COQ8A: variants seen among roughly 807,000 people sequenced by gnomAD.
The protein encoded by COQ8A is coenzyme Q8A, also known as atypical kinase COQ8A, mitochondrial.
In COQ8A, 51 loss-of-function variants were observed where a neutral mutation model predicts 65.0. The observed-to-expected ratio is 0.78, with a 90% CI of 0.63 to 0.99. The LOEUF (loss-of-function observed/expected upper bound fraction) is 0.99. Ranked by LOEUF, COQ8A falls within the 50% of genes least tolerant of loss-of-function variation. The pLI, the probability that COQ8A is intolerant of heterozygous loss-of-function variation, is 0.00. For missense variants in COQ8A, 940 were observed against 875.0 expected, an observed-to-expected ratio of 1.07 and a Z score of -0.94; for synonymous variants, 371 against 353.2, an observed-to-expected ratio of 1.05 and a Z score of -0.57.
intron 4 of COQ8A, 141 bp downstream of exon 4, chr1:226,965,878 T>C (rs1443795091): frequency 3.5e-6 from 3 of 850,596 alleles, no homozygotes; most frequent in Non-Finnish European, 5.7e-6. Flanking sequence ...CTGCATGAGC[T>C]TTTGGGGAGC....
intron 1 of COQ8A, among the ~76,000 whole-genome samples, chr1:226,942,009 T>C (rs1456533363): frequency 6.6e-6 from 1 of 152,156 alleles, no homozygotes; most frequent in East Asian, 1.9e-4. Context: ...GTGGGAGACC[T>C]GGCCTATACA....
intron 5 of COQ8A, among the ~76,000 whole-genome samples, chr1:226,979,932 A>C (rs562636659): frequency 6.6e-6 from 1 of 152,186 alleles, no homozygotes; most frequent in African/African-American, 2.4e-5. Context: ...GCTGTTCTCC[A>C]GACTACCTCA....
chr1:226,969,330 G>A (rs969147156), intron 4 of COQ8A, among the ~76,000 whole-genome samples: 4 of 151,948 alleles, frequency 2.6e-5, no homozygotes, highest in African/African-American at 9.7e-5. Flanking sequence ...ACAGAGTCTT[G>A]CTCTGTCGCC....
rs558461920 is a variant in COQ8A at position 226,977,629 on chromosome 1, C to T, written c.730+106C>T. 39 of 1,262,416 alleles carry T rather than the reference C, an allele frequency of 3.1e-5. No homozygotes were observed. In the East Asian group the frequency reaches 8.5e-4, roughly 27 times the overall value. 78.2% of individuals were successfully genotyped at this position (1,262,416 alleles called of 1,614,324 possible). A position where few individuals can be genotyped will look rare whatever the true frequency, so the allele number is the denominator to read the frequency against. On this transcript the variant is annotated intron_variant, in intron 5 of 14. Transcript: ENST00000366777. ...CTGGGAGTGTCAGCCAGCTGGGCCGCATTTGCATGGGGTTCCACGTAAGTG... is the reference window on the plus strand; with the variant it reads ...CTGGGAGTGTCAGCCAGCTGGGCCGTATTTGCATGGGGTTCCACGTAAGTG...
chr1:226,951,701 C>G (rs774749735), intron 1 of COQ8A, among the ~76,000 whole-genome samples: 2 of 151,696 alleles, frequency 1.3e-5, no homozygotes, highest in Non-Finnish European at 2.9e-5. Context: ...TATGAGTCGA[C>G]AAATAGTAAA....
At position 226,985,907 on chromosome 1, in the gene COQ8A, C is replaced by T. The variant is rs538836937; in HGVS notation, c.1660-546C>T. Among the ~76,000 whole-genome samples, 110 of 152,174 alleles carry T rather than the reference C, an allele frequency of 7.2e-4. 7 individuals carry two copies. The highest frequency in any genetic ancestry group is 6.5e-5 in the Admixed American group (1 of 15,288). On this transcript the variant is annotated intron_variant, in intron 14 of 14. Coordinates refer to ENST00000366777, the MANE Select transcript of COQ8A (RefSeq NM_020247.5). ...ATCTCAGCTGTAAGCGCTCAGCGGG[C>T]AGCAGCTCTCTCCCGCCTCTTCCTT...
At chr1:226,978,094 A>G (rs1033075999) in intron 5 of COQ8A, among the ~76,000 whole-genome samples, 3 of 143,916 alleles carry the variant, frequency 2.1e-5, no homozygotes, top group African/African-American at 7.9e-5. Context: ...CACCCACCGA[A>G]CACCCGCACA....
intron 1 of COQ8A, among the ~76,000 whole-genome samples, chr1:226,960,388 GTCA>G (rs375392983): frequency 0.28 from 281 of 996 alleles, 32 homozygotes; most frequent in Middle Eastern, 0.5. Flanking sequence ...ACTTGGTGGT[GTCA>G]GTGGTGGTAC....
chr1:226,981,988 C>T, intron 5 of COQ8A, 39 bp from the exon 6 acceptor site: 1 of 1,612,800 alleles, frequency 6.2e-7, no homozygotes, highest in South Asian at 1.1e-5. Flanking sequence ...CTCCCAGACC[C>T]CCCCGAGTGC....
intron 4 of COQ8A, among the ~76,000 whole-genome samples, chr1:226,975,780 T>G (rs1659159032): frequency 6.6e-6 from 1 of 152,214 alleles, no homozygotes; most frequent in South Asian, 2.1e-4. Flanking sequence ...CTGCCCAGAC[T>G]GCTGGGGACG....
intron 1 of COQ8A, among the ~76,000 whole-genome samples, chr1:226,957,446 C>T (rs1372894537): frequency 6.6e-6 from 1 of 152,204 alleles, no homozygotes. Flanking sequence ...AGACACCATG[C>T]TTTGCTGGGG....
In COQ8A at chr1:226,986,583, A is replaced by AC; in HGVS notation, c.1792dup (p.Arg598ProfsTer132). The AC allele has an allele frequency of 6.2e-7, 1 of 1,613,480 alleles. No homozygotes were observed. Among genetic ancestry groups the AC allele is most frequent in the Non-Finnish European group, 8.5e-7 (1 of 1,179,914 alleles). On this transcript the variant is annotated frameshift_variant, in exon 15 of 15. Transcript: ENST00000366777. LOFTEE classifies it high-confidence loss of function. ...AACCTGATTCCCGTCATGCTGAGGC[A>AC]CCGTCTCGTCCCCCCACCCGAGGAA...
Position 226,972,222 on chromosome 1 carries a change from A to C in COQ8A, c.656-5227A>C, listed in dbSNP as rs1658949429. ...CTCTGTGGTGGTTCCTGGGGCCTTC[A>C]CACAGGAACTTACAATCCACATCAT... On this transcript the variant is annotated intron_variant, in intron 4 of 14. Transcript: ENST00000366777. This position sits in a 1 kb window ranked among gnomAD's most constrained non-coding sequence, Gnocchi z 4.3. 1.3e-5 allele frequency among the ~76,000 whole-genome samples: 2 copies of C among 152,170 alleles called. No individual in the cohort carries two copies. Among genetic ancestry groups the C allele is most frequent in the Admixed American group, 1.3e-4 (2 of 15,276 alleles).
chr1:226,970,406 A>G (rs1658830123), intron 4 of COQ8A, among the ~76,000 whole-genome samples: 4 of 152,258 alleles, frequency 2.6e-5, no homozygotes, highest in Admixed American at 2.0e-4. Flanking sequence ...CTCCTAGGCT[A>G]CAAACCTTTA....
chr1:226,964,361 C>T (rs1658430905), intron 2 of COQ8A, among the ~76,000 whole-genome samples: 1 of 152,256 alleles, frequency 6.6e-6, no homozygotes, highest in South Asian at 2.1e-4. Context: ...GCAGAAAGGA[C>T]CTGGGCCCGA....
intron 14 of COQ8A, 51 bp downstream of exon 14, chr1:226,985,391 TC>T (rs36087740): frequency 6.3e-7 from 1 of 1,591,776 alleles, no homozygotes; most frequent in East Asian, 2.2e-5. Context: ...AGGGCCCGGC[TC>T]CCTGTGTAAG....
intron 5 of COQ8A, among the ~76,000 whole-genome samples, chr1:226,981,576 C>T: frequency 6.6e-6 from 1 of 152,228 alleles, no homozygotes; most frequent in South Asian, 2.1e-4. Context: ...ATGCCGACCC[C>T]ACAGGTGCAG....
intron 1 of COQ8A, among the ~76,000 whole-genome samples, chr1:226,940,826 G>T (rs910025109): frequency 6.6e-6 from 1 of 152,232 alleles, no homozygotes; most frequent in African/African-American, 2.4e-5. Context: ...TGTGTCTGGG[G>T]CTCTAGGCTC....
At chr1:226,983,945 AG>A (rs1659890391) in intron 10 of COQ8A, 91 bp downstream of exon 10, 1 of 1,539,626 alleles carries the variant, frequency 6.5e-7, no homozygotes, top group Non-Finnish European at 8.8e-7. Flanking sequence ...TCCAGCTCTG[AG>A]GGGCAGAGGG....
Sources: gnomAD v4.1 joint callset for allele counts (sites outside exome capture counted in the v4.1 genomes callset) on GRCh38, gnomAD v4.1.1 for gene constraint, Gnocchi (gnomAD v3.1) non-coding constraint, MANE v1.5 for transcripts, NCBI Gene and HGNC (gene_info 2026-07-23, HGNC 2026-07-21) for gene names.